The following SVOP variants were observed in gnomAD, a reference collection of about 807,000 sequenced individuals.
The protein encoded by SVOP is synaptic vesicle 2-related protein.
In SVOP, 17 loss-of-function variants were observed where a neutral mutation model predicts 69.1. The observed-to-expected ratio is 0.25, with a 90% CI of 0.17 to 0.37. The LOEUF is 0.37. Ranked by LOEUF, SVOP falls within the 10% of genes least tolerant of loss-of-function variation. SVOP has a pLI of 1.00. For missense variants in SVOP, 435 were observed against 597.5 expected (o/e 0.73, Z 2.84); for synonymous variants, 238 against 238.6 (o/e 1.00, Z 0.02).
At chr12:109,004,410 C>CTTTTTTTT (rs34124314) in intron 1 of SVOP, among the ~76,000 whole-genome samples, 1 of 120,394 alleles carries the variant, frequency 8.3e-6, no homozygotes, top group Non-Finnish European at 1.7e-5. Context: ...GGTATTGCTA[C>CTTTTTTTT]TTTTTTTTTT....
chr12:108,946,019 T>A (rs899430028), intron 6 of SVOP, among the ~76,000 whole-genome samples: 10 of 152,250 alleles, frequency 6.6e-5, no homozygotes, highest in Admixed American at 4.6e-4. Context: ...CCATAGAACC[T>A]CTACCCACCA....
At chr12:108,923,603 G>A (rs1004472283) in intron 11 of SVOP, among the ~76,000 whole-genome samples, 1 of 151,948 alleles carries the variant, frequency 6.6e-6, no homozygotes, top group Admixed American at 6.5e-5. Flanking sequence ...ACCTACAGAA[G>A]CTATGAGATG....
At position 108,909,450 on chromosome 12, in the gene SVOP, A is replaced by G. The variant is rs1260326342; in HGVS notation, c.*3085T>C. 1.3e-5 allele frequency: 2 copies of G among 149,704 alleles called. No individual in the cohort carries two copies. The highest frequency in any genetic ancestry group is 1.9e-4 in the East Asian group (1 of 5,158). The allele number at this position is 149,704 out of a possible 1,614,324, so 9.3% of individuals were successfully genotyped here. On this transcript the variant is annotated 3_prime_UTR_variant, in exon 16 of 16. Transcript: ENST00000610966. Reference sequence around the variant, plus strand: ...AGAATCGCTTGAACCTGGGAGACAGAGTTGCAGTGAGCTGAGACTTCATCT... The same window carrying G: ...AGAATCGCTTGAACCTGGGAGACAGGGTTGCAGTGAGCTGAGACTTCATCT...
rs142031352 is a variant in SVOP, at chr12:108,936,114, C to T, written c.971+1150G>A. Among the ~76,000 whole-genome samples, 110 of 151,956 alleles carry T rather than the reference C, an allele frequency of 7.2e-4. 1 individual carries two copies. The highest frequency in any genetic ancestry group is 2.4e-3 in the African/African-American group (101 of 41,418). On this transcript the variant is annotated intron_variant, in intron 10 of 15. Coordinates refer to ENST00000610966, the MANE Select transcript of SVOP (RefSeq NM_018711.5). ...AGGCTGGAGTGCAGGGGAGCAATGT[C>T]GGCTCACTGCAGCTTCTGTCTCCCG...
At chr12:109,005,093 GC>G (rs2040298582) in intron 1 of SVOP, among the ~76,000 whole-genome samples, 1 of 152,116 alleles carries the variant, frequency 6.6e-6, no homozygotes, top group African/African-American at 2.4e-5. Context: ...TGGAGTTTTA[GC>G]CCTTGAGTTC....
chr12:108,932,671 G>A (rs142894082), intron 11 of SVOP, among the ~76,000 whole-genome samples: 1,818 of 152,022 alleles, frequency 0.012, 26 homozygotes, highest in Non-Finnish European at 0.019. Flanking sequence ...TGGGAAGGAG[G>A]TTCAGACATA....
Position 108,955,762 on chromosome 12 carries a change from G to T in SVOP, c.578+5161C>A, listed in dbSNP as rs539001332. Among the ~76,000 whole-genome samples the T allele has an allele frequency of 3.5e-4, 54 of 152,326 alleles. 1 individual carries two copies. The highest frequency in any genetic ancestry group is 1.3e-3 in the African/African-American group (53 of 41,570). On this transcript the variant is annotated intron_variant, in intron 6 of 15. Transcript: ENST00000610966. ...TGCCAAAGCCTTCAGCAGATCAAAT[G>T]CTTGTTAATAAATCTTGAGTGCTCT...
In SVOP at chr12:108,908,633, G is replaced by A. The variant is rs952111950; in HGVS notation, c.*3902C>T. 4 of 152,106 alleles carry A rather than the reference G, an allele frequency of 2.6e-5. No homozygotes were observed. The highest frequency in any genetic ancestry group is 4.2e-4 in the South Asian group (2 of 4,814). 9.4% of individuals were successfully genotyped at this position (152,106 alleles called of 1,614,324 possible). A position where few individuals can be genotyped will look rare whatever the true frequency, so the allele number is the denominator to read the frequency against. On this transcript the variant is annotated 3_prime_UTR_variant, in exon 16 of 16. Coordinates refer to ENST00000610966, the MANE Select transcript of SVOP (RefSeq NM_018711.5). ...TTTCCCCTGTAGGAAATTAACTACC[G>A]ATCCCAGTCTTATAATAAAGCTCTG... is the stretch of plus-strand genomic sequence containing the variant.
intron 1 of SVOP, among the ~76,000 whole-genome samples, chr12:108,986,730 T>C (rs36141191): frequency 8.6e-5 from 13 of 151,984 alleles, no homozygotes; most frequent in African/African-American, 3.1e-4. Flanking sequence ...TGAGATACCA[T>C]GAGATGCAGG....
chr12:108,990,742 C>T (rs2137444775), intron 1 of SVOP, among the ~76,000 whole-genome samples: 1 of 152,220 alleles, frequency 6.6e-6, no homozygotes, highest in South Asian at 2.1e-4. Context: ...AGGCACAGCT[C>T]CATTCCAGCC....
intron 1 of SVOP, among the ~76,000 whole-genome samples, chr12:109,011,849 C>A (rs1466499697): frequency 6.6e-6 from 1 of 152,074 alleles, no homozygotes; most frequent in Non-Finnish European, 1.5e-5. Flanking sequence ...ATAAGCCAGG[C>A]ACAGAAAGAC....
intron 1 of SVOP, among the ~76,000 whole-genome samples, chr12:108,995,880 C>G (rs2040229082): frequency 6.7e-6 from 1 of 149,500 alleles, no homozygotes; most frequent in Non-Finnish European, 1.5e-5. Context: ...CCAGCCTGGG[C>G]AACGCAGGTA....
rs146914376 is a variant in SVOP at position 108,963,272 on chromosome 12, A to G, written c.454-2225T>C. Among the ~76,000 whole-genome samples, 6 of 152,228 alleles carry G rather than the reference A, an allele frequency of 3.9e-5. No individual in the cohort carries two copies. The East Asian group carries it at 1.2e-3, about 29-fold the overall frequency. On this transcript the variant is annotated intron_variant, in intron 5 of 15. Coordinates refer to ENST00000610966, the MANE Select transcript of SVOP (RefSeq NM_018711.5). The stretch of plus-strand genomic sequence containing the variant: ...CTGATTTTTTGCTTTAAGATATTAA[A>G]CTGAATTAAAGGAGATGAGTGAGGA...
intron 6 of SVOP, among the ~76,000 whole-genome samples, chr12:108,952,001 T>G (rs958593830): frequency 4.6e-5 from 7 of 152,152 alleles, no homozygotes; most frequent in South Asian, 2.1e-4. Flanking sequence ...TGTGGCTTCT[T>G]CTTGCTGCCT....
chr12:108,953,943 C>T (rs1388445946), intron 6 of SVOP, among the ~76,000 whole-genome samples: 3 of 151,844 alleles, frequency 2.0e-5, no homozygotes, highest in Non-Finnish European at 4.4e-5. Context: ...GAAACCCCGT[C>T]TCTATTAAAA....
intron 6 of SVOP, among the ~76,000 whole-genome samples, chr12:108,945,582 G>A (rs977573282): frequency 4.0e-5 from 6 of 151,748 alleles, no homozygotes; most frequent in African/African-American, 1.2e-4. Context: ...GATTTGTAGA[G>A]ATGTATGTGA....
intron 1 of SVOP, among the ~76,000 whole-genome samples, chr12:108,997,725 T>C (rs1387383249): frequency 2.0e-5 from 3 of 151,362 alleles, no homozygotes; most frequent in South Asian, 2.1e-4. Context: ...AGGCAGGGTA[T>C]TCCAACAGAC....
chr12:108,956,294 T>G (rs1765430346), intron 6 of SVOP, among the ~76,000 whole-genome samples: 1 of 100,368 alleles, frequency 1.0e-5, no homozygotes, highest in Admixed American at 1.3e-4. Context: ...AGAGCGAGAT[T>G]CCGTCTCAAA....
intron 11 of SVOP, among the ~76,000 whole-genome samples, chr12:108,933,450 G>A (rs1160865076): frequency 6.6e-6 from 1 of 152,020 alleles, no homozygotes; most frequent in African/African-American, 2.4e-5. Flanking sequence ...GTCCAAGGCA[G>A]TCAGATCATC....
Sources: allele counts gnomAD v4.1 joint callset (sites outside exome capture counted in the v4.1 genomes callset), GRCh38; gene constraint gnomAD v4.1.1; transcripts MANE v1.5; gene names NCBI Gene and HGNC (gene_info 2026-07-23, HGNC 2026-07-21).